The following RPS6KC1 variants were observed in gnomAD, a reference collection of about 807,000 sequenced individuals.
The protein encoded by RPS6KC1 is inactive ribosomal protein S6 kinase delta-1.
Under a neutral mutation model 103.8 loss-of-function variants are expected in RPS6KC1, and 54 were observed. The ratio of observed to expected loss-of-function variants is 0.52; its 90% confidence interval spans 0.42 to 0.65. The LOEUF (loss-of-function observed/expected upper bound fraction) is 0.65. RPS6KC1 is among the 30% of genes least tolerant of loss of function. The probability of loss-of-function intolerance (pLI) is 0.00; values close to 1 mark genes in which losing one functional copy is unlikely to be tolerated. For synonymous variants in RPS6KC1, 439 were observed against 438.7 expected (o/e 1.00, Z -0.01); for missense variants, 1,151 against 1,253.8 (o/e 0.92, Z 1.24).
the RPS6KC1 span, among the ~76,000 whole-genome samples, chr1:213,519,588 T>C: frequency 6.6e-6 from 1 of 152,204 alleles, no homozygotes; most frequent in Non-Finnish European, 1.5e-5. Flanking sequence ...TTTAGGCTGC[T>C]TGAGGTTAAA....
At chr1:213,147,786 C>T (rs964172559) in intron 6 of RPS6KC1, among the ~76,000 whole-genome samples, 1 of 152,092 alleles carries the variant, frequency 6.6e-6, no homozygotes, top group Non-Finnish European at 1.5e-5. Flanking sequence ...TGCTGTGGGT[C>T]ATATGGACAT....
chr1:213,699,836 G>T, the RPS6KC1 span, among the ~76,000 whole-genome samples: 1 of 152,000 alleles, frequency 6.6e-6, no homozygotes, highest in Non-Finnish European at 1.5e-5. Context: ...TTTGCCATTT[G>T]TTTGTCTTCT....
the RPS6KC1 span, among the ~76,000 whole-genome samples, chr1:213,360,787 T>A: frequency 3.0e-4 from 45 of 152,364 alleles, no homozygotes; most frequent in East Asian, 8.5e-3. Context: ...GTCAGGACCC[T>A]CAGCTGCAGA....
chr1:213,549,225 G>GGT, the RPS6KC1 span, among the ~76,000 whole-genome samples: 1 of 152,226 alleles, frequency 6.6e-6, no homozygotes, highest in African/African-American at 2.4e-5. Context: ...CAGAAGGCAG[G>GGT]GACCCCTCAA....
chr1:213,324,643 TG>T, the RPS6KC1 span, among the ~76,000 whole-genome samples: 1 of 141,546 alleles, frequency 7.1e-6, no homozygotes, highest in African/African-American at 2.6e-5. Context: ...CAACGTTTGA[TG>T]GAGGAATTCC....
intron 8 of RPS6KC1, among the ~76,000 whole-genome samples, chr1:213,212,872 A>G (rs1006927540): frequency 6.6e-6 from 1 of 152,096 alleles, no homozygotes; most frequent in Non-Finnish European, 1.5e-5. Context: ...CCATCTGTAT[A>G]TCTTGTTTGG....
the RPS6KC1 span, among the ~76,000 whole-genome samples, chr1:213,444,699 G>A: frequency 3.0e-5 from 4 of 133,734 alleles, no homozygotes; most frequent in East Asian, 2.3e-4. Context: ...AGCTGATATC[G>A]TGCCATTGCA....
At chr1:213,161,067 G>T (rs1406496499) in intron 6 of RPS6KC1, among the ~76,000 whole-genome samples, 1 of 152,040 alleles carries the variant, frequency 6.6e-6, no homozygotes, top group Non-Finnish European at 1.5e-5. Flanking sequence ...TTTATTGAAG[G>T]TCTTCTACAT....
chr1:213,769,868 G>A, the RPS6KC1 span, among the ~76,000 whole-genome samples: 16 of 152,238 alleles, frequency 1.1e-4, no homozygotes, highest in Admixed American at 3.9e-4. Flanking sequence ...CCAGCTGACC[G>A]GGTGTTGATA....
chr1:213,412,133 G>A, the RPS6KC1 span, among the ~76,000 whole-genome samples: 2 of 152,176 alleles, frequency 1.3e-5, no homozygotes, highest in Admixed American at 6.5e-5. Flanking sequence ...CATATTGTCA[G>A]CATCATTGAT....
chr1:213,736,390 G>A, the RPS6KC1 span, among the ~76,000 whole-genome samples: 1 of 152,214 alleles, frequency 6.6e-6, no homozygotes, highest in African/African-American at 2.4e-5. Context: ...ATGATGGAGA[G>A]TCCTTGCTTT....
the RPS6KC1 span, among the ~76,000 whole-genome samples, chr1:213,429,931 T>C: frequency 6.6e-6 from 1 of 152,240 alleles, no homozygotes; most frequent in Non-Finnish European, 1.5e-5. Context: ...ACCATTGCCA[T>C]CTGCTACTGA....
At chr1:213,791,118 A>C in the RPS6KC1 span, among the ~76,000 whole-genome samples, 1 of 152,174 alleles carries the variant, frequency 6.6e-6, no homozygotes, top group Non-Finnish European at 1.5e-5. Context: ...TCCTGGGAAT[A>C]CTTGGCTCAT....
chr1:213,834,850 C>T, the RPS6KC1 span, among the ~76,000 whole-genome samples: 4 of 152,174 alleles, frequency 2.6e-5, no homozygotes, highest in Non-Finnish European at 4.4e-5. Context: ...CTGAGACCAT[C>T]CAGGGATGCA....
intron 8 of RPS6KC1, among the ~76,000 whole-genome samples, chr1:213,214,167 C>A (rs1327041726): frequency 1.3e-5 from 2 of 152,262 alleles, no homozygotes; most frequent in African/African-American, 4.8e-5. Context: ...AAAATTGGGT[C>A]ATTCCCACCC....
chr1:213,205,688 A>G (rs1404214149), intron 8 of RPS6KC1, among the ~76,000 whole-genome samples: 1 of 150,938 alleles, frequency 6.6e-6, no homozygotes, highest in Non-Finnish European at 1.5e-5. Context: ...ATAAGATGCA[A>G]CCATATATTT....
the RPS6KC1 span, among the ~76,000 whole-genome samples, chr1:213,295,600 T>C: frequency 6.6e-6 from 1 of 152,242 alleles, no homozygotes; most frequent in Admixed American, 6.5e-5. Context: ...TTCTTAATTC[T>C]TTAAGTGAAT....
the RPS6KC1 span, among the ~76,000 whole-genome samples, chr1:213,295,983 C>T: frequency 2.6e-5 from 4 of 152,078 alleles, no homozygotes; most frequent in Admixed American, 6.5e-5. Flanking sequence ...TTAAAGGAAG[C>T]AATTTTAGAA....
At chr1:213,339,448 C>T in the RPS6KC1 span, among the ~76,000 whole-genome samples, 11,257 of 152,228 alleles carry the variant, frequency 0.074, 493 homozygotes, top group Middle Eastern at 0.11. Flanking sequence ...AATTGTCCAT[C>T]CACACAGTTA....
Sources: gnomAD v4.1 joint callset for allele counts (sites outside exome capture counted in the v4.1 genomes callset) on GRCh38, gnomAD v4.1.1 for gene constraint, MANE v1.5 for transcripts, NCBI Gene and HGNC (gene_info 2026-07-23, HGNC 2026-07-21) for gene names.